The following PCSK6 variants were observed in gnomAD, a reference collection of about 807,000 sequenced individuals.
PCSK6 encodes the protein proprotein convertase subtilisin/kexin type 6, also known as paired basic amino acid cleaving enzyme 4.
In PCSK6, 85 loss-of-function variants were observed where a neutral mutation model predicts 123.3. That is an observed-to-expected ratio of 0.69 (90% CI 0.58 to 0.83). The LOEUF is 0.83. PCSK6 is among the 40% of genes least tolerant of loss of function. The pLI is 0.00. For synonymous variants in PCSK6, 508 were observed against 516.0 expected, an observed-to-expected ratio of 0.98 and a Z score of 0.21; for missense variants, 1,191 against 1,282.3, an observed-to-expected ratio of 0.93 and a Z score of 1.09.
intron 1 of PCSK6, among the ~76,000 whole-genome samples, chr15:101,450,255 C>T (rs759246016): frequency 2.0e-5 from 3 of 151,868 alleles, no homozygotes; most frequent in African/African-American, 7.3e-5. Flanking sequence ...CTCCTTGTCT[C>T]GGAGAATACA....
chr15:101,412,915 G>A (rs1360624904), intron 6 of PCSK6, among the ~76,000 whole-genome samples: 3 of 151,456 alleles, frequency 2.0e-5, no homozygotes, highest in Admixed American at 6.6e-5. Flanking sequence ...TTGTGCCCAG[G>A]AGTTCGAGGT....
At chr15:101,403,622 TG>T (rs2042677252) in intron 6 of PCSK6, among the ~76,000 whole-genome samples, 1 of 152,180 alleles carries the variant, frequency 6.6e-6, no homozygotes, top group South Asian at 2.1e-4. Context: ...CGTGACCCAC[TG>T]GGGGCCTCTA....
At chr15:101,423,163 G>C (rs996834631) in intron 6 of PCSK6, among the ~76,000 whole-genome samples, 3 of 151,830 alleles carry the variant, frequency 2.0e-5, no homozygotes, top group Non-Finnish European at 2.9e-5. Flanking sequence ...ATAAAAGATA[G>C]ATATCATGAC....
intron 13 of PCSK6, among the ~76,000 whole-genome samples, chr15:101,332,678 T>C (rs535168430): frequency 1.3e-5 from 2 of 152,064 alleles, no homozygotes; most frequent in Admixed American, 6.5e-5. Flanking sequence ...GGGGGATGAG[T>C]AGACAGACAC....
intron 6 of PCSK6, among the ~76,000 whole-genome samples, chr15:101,401,134 C>G (rs1436049140): frequency 2.0e-5 from 3 of 152,204 alleles, no homozygotes; most frequent in Non-Finnish European, 4.4e-5. Flanking sequence ...TATTCAAAAT[C>G]AATGTCAGAG....
intron 1 of PCSK6, among the ~76,000 whole-genome samples, chr15:101,447,545 C>G (rs540558307): frequency 1.3e-5 from 2 of 152,274 alleles, no homozygotes; most frequent in East Asian, 1.9e-4. Flanking sequence ...TACAGATACA[C>G]GAGTAGGGTT....
intron 13 of PCSK6, among the ~76,000 whole-genome samples, chr15:101,354,239 C>A (rs2040977717): frequency 6.6e-6 from 1 of 152,098 alleles, no homozygotes. Flanking sequence ...ATACCTAATG[C>A]CCACATATAC....
At chr15:101,352,136 A>ATTT (rs1248879739) in intron 13 of PCSK6, among the ~76,000 whole-genome samples, 43 of 130,104 alleles carry the variant, frequency 3.3e-4, no homozygotes, top group Admixed American at 2.4e-3. Flanking sequence ...ATATTTTTCT[A>ATTT]ATTTTTTTTT....
At chr15:101,318,245 C>T in intron 19 of PCSK6, 74 bp downstream of exon 19, 1 of 1,106,104 alleles carries the variant, frequency 9.0e-7, no homozygotes, top group African/African-American at 1.6e-5. Flanking sequence ...AGTCCTAGGG[C>T]TTTCTCGGGT....
intron 13 of PCSK6, chr15:101,347,175 A>T (rs929594379): frequency 8.1e-7 from 1 of 1,231,786 alleles, no homozygotes; most frequent in Non-Finnish European, 1.0e-6. Context: ...CCGGCACAGA[A>T]GGCATGTGCT....
At chr15:101,397,003 C>T (rs139661363) in intron 7 of PCSK6, among the ~76,000 whole-genome samples, 191 of 152,108 alleles carry the variant, frequency 1.3e-3, no homozygotes, top group South Asian at 2.3e-3. Context: ...AGGAAGCTTC[C>T]GCCTCACACT....
intron 20 of PCSK6, 153 bp from the exon 21 acceptor site, chr15:101,307,478 C>G (rs2039752707): frequency 8.1e-6 from 5 of 615,586 alleles, no homozygotes; most frequent in Non-Finnish European, 1.5e-5. Flanking sequence ...TTCCCTGACA[C>G]AGGGGCTGAG....
chr15:101,366,314 A>T lies in PCSK6; in HGVS notation c.1740T>A (p.Asn580Lys). The T allele has an allele frequency of 1.9e-6, 3 of 1,612,800 alleles. No homozygotes were observed. Among genetic ancestry groups the T allele is most frequent in the Non-Finnish European group, 2.5e-6 (3 of 1,179,398 alleles). Residue 580 changes from asparagine to lysine, a missense_variant, in exon 13 of 22, where the codon AAT becomes AAA. Asn to Lys is a moderately conservative substitution (Grantham distance 94). Coordinates refer to ENST00000611716, the MANE Select transcript of PCSK6 (RefSeq NM_002570.5). The stretch of plus-strand genomic sequence containing the variant: ...TGAATTCCCAGTTTGTAAACCCTTC[A>T]TTGGAAAGATCCAGCAACCTGCAAT... ...LLAKRLLDLS[N>K]EGFTNWEFMT...
intron 13 of PCSK6, among the ~76,000 whole-genome samples, chr15:101,354,915 T>A (rs1241633812): frequency 6.6e-6 from 1 of 152,270 alleles, no homozygotes; most frequent in Non-Finnish European, 1.5e-5. Context: ...CCTGAAACTT[T>A]AATTCCTTAT....
At chr15:101,350,186 G>A (rs1028040530) in intron 13 of PCSK6, among the ~76,000 whole-genome samples, 4 of 152,168 alleles carry the variant, frequency 2.6e-5, no homozygotes, top group Non-Finnish European at 5.9e-5. Flanking sequence ...GATTATAGGC[G>A]TGAGACAACG....
chr15:101,432,841 A>G (rs986098442), intron 2 of PCSK6, among the ~76,000 whole-genome samples: 2 of 152,254 alleles, frequency 1.3e-5, no homozygotes, highest in African/African-American at 4.8e-5. Flanking sequence ...CAGTAAGGAC[A>G]TAAGTAAATA....
chr15:101,349,276 TTTTG>T (rs1400466764), intron 13 of PCSK6, among the ~76,000 whole-genome samples: 2 of 152,158 alleles, frequency 1.3e-5, no homozygotes, highest in African/African-American at 2.4e-5. Context: ...GTTAGCAAAG[TTTTG>T]TTTGTTTTTC....
intron 13 of PCSK6, chr15:101,346,352 G>A (rs943340489): frequency 6.6e-6 from 1 of 152,438 alleles, no homozygotes; most frequent in African/African-American, 2.4e-5. Flanking sequence ...TGTTGGTGAA[G>A]TATTATAAAA....
chr15:101,398,252 A>C lies in PCSK6; in HGVS notation c.996+152T>G, dbSNP rs539810121. The stretch of plus-strand genomic sequence containing the variant: ...CAAGAGCCACTTCTCAGACTCCCCG[A>C]GTGACTCCTCCACACTGGCCCTGGC... On this transcript the variant is annotated intron_variant, in intron 7 of 21. Transcript: ENST00000611716. This position sits in a 1 kb window ranked among gnomAD's most constrained non-coding sequence, Gnocchi z 4.6. Among the ~76,000 whole-genome samples the C allele has an allele frequency of 6.6e-6, 1 of 152,272 alleles. No homozygotes were observed. The highest frequency in any genetic ancestry group is 2.4e-5 in the African/African-American group (1 of 41,556).
Sources: gnomAD v4.1 joint callset for allele counts (sites outside exome capture counted in the v4.1 genomes callset) on GRCh38, gnomAD v4.1.1 for gene constraint, Gnocchi (gnomAD v3.1) non-coding constraint, MANE v1.5 for transcripts, NCBI Gene and HGNC (gene_info 2026-07-23, HGNC 2026-07-21) for gene names.